The following ERG variants were observed in gnomAD, a reference collection of about 807,000 sequenced individuals.
ERG encodes transcriptional regulator ERG.
A neutral mutation model predicts 55.3 loss-of-function variants in ERG; 9 were observed. The ratio of observed to expected loss-of-function variants is 0.16; its 90% CI spans 0.10 to 0.28. The LOEUF is 0.28. ERG is among the 10% of genes least tolerant of loss of function. The probability of loss-of-function intolerance (pLI) is 1.00; values close to 1 mark genes in which losing one functional copy is unlikely to be tolerated. For missense variants in ERG, 434 were observed against 631.6 expected (o/e 0.69, Z 3.35); for synonymous variants, 223 against 237.3 (o/e 0.94, Z 0.55).
rs869196064 is a variant in ERG at position 38,612,663 on chromosome 21, C to CT, written c.-149-27719dup. Among the ~76,000 whole-genome samples, 1,376 of 137,930 alleles carry CT rather than the reference C, an allele frequency of 1.0e-2. 15 individuals carry two copies. Among genetic ancestry groups the CT allele is most frequent in the African/African-American group, 0.021 (805 of 37,478 alleles). The allele number at this position is 137,930 out of a possible 152,430, so 90.5% of individuals were successfully genotyped here. A position where few individuals can be genotyped will look rare whatever the true frequency, so the allele number is the denominator to read the frequency against. On this transcript the variant is annotated intron_variant, in intron 1 of 10. Coordinates refer to the ERG transcript ENST00000398910. ...TTAGAATTATTTTCTTTGACATTTCCTTTTTTTTTTTTTTTTTGGAGACAG... is the reference window on the plus strand; with the variant it reads ...TTAGAATTATTTTCTTTGACATTTCCTTTTTTTTTTTTTTTTTTGGAGACAG...
At chr21:38,548,232 G>C (rs889973951) in intron 2 of ERG, among the ~76,000 whole-genome samples, 1 of 151,828 alleles carries the variant, frequency 6.6e-6, no homozygotes, top group Admixed American at 6.6e-5. Flanking sequence ...TTGAGGGTGA[G>C]GACAGTATAT....
intron 2 of ERG, among the ~76,000 whole-genome samples, chr21:38,440,809 A>T (rs2058834579): frequency 7.1e-6 from 1 of 140,558 alleles, no homozygotes; most frequent in Non-Finnish European, 1.6e-5. Flanking sequence ...AAAAAAAAAA[A>T]AAAAGCCCAC....
intron 1 of ERG, among the ~76,000 whole-genome samples, chr21:38,614,867 T>C (rs116221046): frequency 0.034 from 5,222 of 152,346 alleles, 293 homozygotes; most frequent in African/African-American, 0.12. Flanking sequence ...GGTTGGCCAT[T>C]GGATGAGATT....
At chr21:38,444,738 A>C (rs533274241) in intron 2 of ERG, among the ~76,000 whole-genome samples, 7 of 147,976 alleles carry the variant, frequency 4.7e-5, no homozygotes, top group Admixed American at 4.0e-4. Flanking sequence ...AAAAAAAAAA[A>C]AACAAACAGC....
chr21:38,394,647 T>C (rs9984638), intron 6 of ERG, among the ~76,000 whole-genome samples: 41,886 of 152,116 alleles, frequency 0.28, 6,133 homozygotes, highest in South Asian at 0.36. Context: ...CCACCGCGCC[T>C]GGCCTCAGAA....
chr21:38,395,263 AG>A (rs1260315945), intron 6 of ERG: 1 of 228,174 alleles, frequency 4.4e-6, no homozygotes, highest in African/African-American at 2.2e-5. Context: ...CATTCAACTC[AG>A]GCTCACTGAG....
At chr21:38,603,005 G>A (rs1293518096) in intron 1 of ERG, among the ~76,000 whole-genome samples, 3 of 151,862 alleles carry the variant, frequency 2.0e-5, no homozygotes, top group Non-Finnish European at 2.9e-5. Flanking sequence ...GAAAGGCAGG[G>A]TGAGCTCAGA....
At chr21:38,575,332 C>CA (rs1351364998) in intron 2 of ERG, among the ~76,000 whole-genome samples, 1 of 152,152 alleles carries the variant, frequency 6.6e-6, no homozygotes, top group Non-Finnish European at 1.5e-5. Flanking sequence ...TAAATATTTT[C>CA]AGCTGGCAGG....
At chr21:38,537,056 A>G (rs556156150) in intron 2 of ERG, among the ~76,000 whole-genome samples, 1 of 152,336 alleles carries the variant, frequency 6.6e-6, no homozygotes, top group East Asian at 1.9e-4. Flanking sequence ...TGAGAAAAAA[A>G]GGAGTCTTTT....
chr21:38,503,976 T>C (rs972626311), intron 2 of ERG, among the ~76,000 whole-genome samples: 1 of 152,132 alleles, frequency 6.6e-6, no homozygotes, highest in Non-Finnish European at 1.5e-5. Flanking sequence ...CTTCACTCCA[T>C]TGGATACAAC....
In ERG at chr21:38,593,633, A is replaced by T. The variant is rs182665117; in HGVS notation, c.-149-8688T>A. Among the ~76,000 whole-genome samples the T allele has an allele frequency of 2.0e-5, 3 of 152,332 alleles. No individual in the cohort carries two copies. In the East Asian group the frequency reaches 5.8e-4, roughly 29 times the overall value. On this transcript the variant is annotated intron_variant, in intron 1 of 10. Coordinates refer to the ERG transcript ENST00000398910. ...TGTTTTATATTTGCAAATGAACAAT[A>T]CTGGACAGAAAAAAAATACATAATT...
intron 1 of ERG, among the ~76,000 whole-genome samples, chr21:38,450,398 G>A (rs1188198098): frequency 6.6e-6 from 1 of 151,648 alleles, no homozygotes; most frequent in Admixed American, 6.6e-5. Flanking sequence ...AATAAAATAA[G>A]AAATAAAAAA....
At chr21:38,567,074 G>T (rs540566906) in intron 2 of ERG, among the ~76,000 whole-genome samples, 228 of 19,636 alleles carry the variant, frequency 0.012, no homozygotes, top group African/African-American at 0.026. Flanking sequence ...TCGCCAGACT[G>T]GGGGGGGGAT....
intron 2 of ERG, among the ~76,000 whole-genome samples, chr21:38,509,202 T>C (rs1321132142): frequency 3.3e-5 from 5 of 152,202 alleles, no homozygotes; most frequent in African/African-American, 4.8e-5. Context: ...TGAGTTGTTA[T>C]ATAGCAACCG....
chr21:38,393,411 CTG>C (rs1988066887), intron 6 of ERG, among the ~76,000 whole-genome samples: 1 of 152,168 alleles, frequency 6.6e-6, no homozygotes, highest in African/African-American at 2.4e-5. Flanking sequence ...TATTACATAA[CTG>C]TTTCAAAATT....
intron 2 of ERG, among the ~76,000 whole-genome samples, chr21:38,433,623 T>C (rs1398620212): frequency 1.3e-5 from 2 of 151,408 alleles, no homozygotes; most frequent in Non-Finnish European, 3.0e-5. Flanking sequence ...GCCGTGGCCA[T>C]TAGCTTGACA....
At chr21:38,472,443 G>A (rs1377799183) in intron 1 of ERG, among the ~76,000 whole-genome samples, 1 of 152,124 alleles carries the variant, frequency 6.6e-6, no homozygotes, top group Non-Finnish European at 1.5e-5. Flanking sequence ...ACATATTTTA[G>A]GATCACCAGT....
At chr21:38,406,840 T>C (rs1381093936) in intron 3 of ERG, among the ~76,000 whole-genome samples, 1 of 152,196 alleles carries the variant, frequency 6.6e-6, no homozygotes, top group Non-Finnish European at 1.5e-5. Context: ...TCCCTTGGTG[T>C]GCCCCTTAAT....
chr21:38,468,804 T>C (rs1271584144), intron 1 of ERG, among the ~76,000 whole-genome samples: 2 of 151,520 alleles, frequency 1.3e-5, no homozygotes, highest in African/African-American at 4.9e-5. Context: ...GCTAACACGG[T>C]GAAACCCTGT....
Sources: allele counts gnomAD v4.1 joint callset (sites outside exome capture counted in the v4.1 genomes callset), GRCh38; gene constraint gnomAD v4.1.1; transcripts MANE v1.5; gene names NCBI Gene and HGNC (gene_info 2026-07-23, HGNC 2026-07-21).